Variants in LEKR1 observed in about 807,000 individuals in gnomAD.
LEKR1 encodes protein LEKR1.
In LEKR1, 59 loss-of-function variants were observed where a neutral mutation model predicts 72.4. That is an observed-to-expected ratio of 0.82 (90% CI 0.66 to 1.01). The LOEUF (loss-of-function observed/expected upper bound fraction) is 1.01. Ranked by LOEUF, LEKR1 falls within the 50% of genes least tolerant of loss-of-function variation. The pLI, the probability that LEKR1 is intolerant of heterozygous loss-of-function variation, is 0.00. For missense variants in LEKR1, 728 were observed against 759.2 expected (o/e 0.96, Z 0.48); for synonymous variants, 257 against 263.2 (o/e 0.98, Z 0.23).
At chr3:156,849,522 A>G (rs1715070218) in intron 2 of LEKR1, among the ~76,000 whole-genome samples, 3 of 152,242 alleles carry the variant, frequency 2.0e-5, no homozygotes, top group African/African-American at 7.2e-5. Context: ...ACAAGGCTAC[A>G]GTAACCAAAA....
rs1047311412 is a variant in LEKR1 at position 156,993,198 on chromosome 3, C to T, written c.1030C>T (p.Leu344Phe). ...QEEDIKRRIN[L>F]AENELEITKT... ...AGAAGACATAAAGAGAAGAATTAAC[C>T]TTGCAGAAAATGAACTGGAGATAAC... The change falls in exon 9 of 13, where the codon CTT (leucine) becomes TTT (phenylalanine). Residue 344 changes from leucine (L) to phenylalanine (F), a missense_variant. Coordinates refer to ENST00000356539, the MANE Select transcript of LEKR1 (RefSeq NM_001004316.3). The T allele has an allele frequency of 1.2e-6, 2 of 1,612,126 alleles. No individual in the cohort carries two copies. The highest frequency in any genetic ancestry group is 1.7e-5 in the Admixed American group (1 of 59,864).
intron 4 of LEKR1, among the ~76,000 whole-genome samples, chr3:156,925,706 T>C (rs1310279831): frequency 1.3e-5 from 2 of 151,998 alleles, no homozygotes; most frequent in Non-Finnish European, 2.9e-5. Context: ...TGGTTAAAAA[T>C]TCTCTTTCTA....
At chr3:156,982,632 G>A (rs1730297014) in intron 7 of LEKR1, among the ~76,000 whole-genome samples, 1 of 152,154 alleles carries the variant, frequency 6.6e-6, no homozygotes, top group African/African-American at 2.4e-5. Flanking sequence ...AGTAGCGTTT[G>A]CTAAAGAGGT....
At chr3:157,041,648 C>G (rs951004696) in intron 12 of LEKR1, among the ~76,000 whole-genome samples, 2 of 152,172 alleles carry the variant, frequency 1.3e-5, no homozygotes, top group African/African-American at 4.8e-5. Context: ...CCTTCTTCAC[C>G]TGGCTCATGC....
chr3:156,961,457 C>G (rs1206766004), intron 6 of LEKR1, among the ~76,000 whole-genome samples: 1 of 152,204 alleles, frequency 6.6e-6, no homozygotes, highest in Admixed American at 6.5e-5. Flanking sequence ...TTCCAACAAT[C>G]CTTAACCTAC....
At chr3:156,872,359 AATTTTGTT>A in intron 3 of LEKR1, among the ~76,000 whole-genome samples, 1 of 151,844 alleles carries the variant, frequency 6.6e-6, no homozygotes, top group East Asian at 1.9e-4. Flanking sequence ...GTGGTTTGTC[AATTTTGTT>A]TATCTTGTCA....
chr3:156,828,598 A>C (rs1423936448), intron 1 of LEKR1, among the ~76,000 whole-genome samples: 6 of 152,082 alleles, frequency 3.9e-5, no homozygotes, highest in African/African-American at 1.2e-4. Context: ...AAAAAAAAAA[A>C]CAAAAAACCC....
intron 1 of LEKR1, 115 bp from the exon 2 acceptor site, chr3:156,829,171 T>A (rs2108526799): frequency 1.8e-6 from 1 of 548,528 alleles, no homozygotes; most frequent in African/African-American, 1.9e-5. Flanking sequence ...AATAAGCATC[T>A]GTTGAAACAG....
chr3:156,918,181 G>T (rs1377127853), intron 3 of LEKR1, among the ~76,000 whole-genome samples: 2 of 152,158 alleles, frequency 1.3e-5, no homozygotes, highest in African/African-American at 4.8e-5. Context: ...AATAAAAAGT[G>T]CTGATTTAAC....
At chr3:157,019,132 A>G (rs921154612) in intron 10 of LEKR1, among the ~76,000 whole-genome samples, 2 of 152,162 alleles carry the variant, frequency 1.3e-5, no homozygotes, top group African/African-American at 4.8e-5. Flanking sequence ...AAAATTATAT[A>G]TGCATATCAA....
chr3:157,030,320 A>G (rs1219767817), intron 12 of LEKR1, among the ~76,000 whole-genome samples: 3 of 152,196 alleles, frequency 2.0e-5, no homozygotes, highest in African/African-American at 7.2e-5. Flanking sequence ...ACATTTCAAC[A>G]TGAGATTTGG....
At chr3:156,873,220 A>G (rs1718167436) in intron 3 of LEKR1, among the ~76,000 whole-genome samples, 1 of 151,904 alleles carries the variant, frequency 6.6e-6, no homozygotes, top group Non-Finnish European at 1.5e-5. Flanking sequence ...GTTTTATCTG[A>G]TATAAGTATA....
At chr3:156,964,444 C>T (rs1215375566) in intron 6 of LEKR1, among the ~76,000 whole-genome samples, 1 of 152,040 alleles carries the variant, frequency 6.6e-6, no homozygotes, top group African/African-American at 2.4e-5. Context: ...TTATATATCT[C>T]TGAGTATTGC....
In LEKR1 at chr3:156,900,026, C is replaced by T. The variant is rs1322909381; in HGVS notation, c.264-20549C>T. ...GGATTACAAAACATCTGAAATCCAG[C>T]TAGCAAATTTTTGAATTAGGTAGTA... On this transcript the variant is annotated intron_variant, in intron 3 of 12. Coordinates refer to ENST00000356539, the MANE Select transcript of LEKR1 (RefSeq NM_001004316.3). Among the ~76,000 whole-genome samples, 4 of 152,082 alleles carry T rather than the reference C, an allele frequency of 2.6e-5. No homozygotes were observed. In the East Asian group the frequency reaches 5.8e-4, roughly 22 times the overall value.
At chr3:157,019,798 A>G (rs1167676868) in intron 10 of LEKR1, among the ~76,000 whole-genome samples, 1 of 152,180 alleles carries the variant, frequency 6.6e-6, no homozygotes, top group Non-Finnish European at 1.5e-5. Context: ...TGTACCCCTT[A>G]AGCAAATCGT....
At chr3:156,874,618 G>A (rs962736475) in intron 3 of LEKR1, among the ~76,000 whole-genome samples, 6 of 151,978 alleles carry the variant, frequency 3.9e-5, no homozygotes, top group African/African-American at 4.8e-5. Flanking sequence ...TAATTTCTGA[G>A]ATTTTAGTGT....
In LEKR1 at chr3:156,826,704, T is replaced by C. The variant is rs187841546; in HGVS notation, c.-45+328T>C. The C allele has an allele frequency of 4.8e-4, 74 of 155,680 alleles. 1 individual carries two copies. In the East Asian group the frequency reaches 0.012, roughly 25 times the overall value. 9.6% of individuals were successfully genotyped at this position (155,680 alleles called of 1,614,324 possible). ...GGAACGGGGTTAGAAAGGGACAGAT[T>C]TGAAAGCCATTCCAGCAGTTTTGTC... On this transcript the variant is annotated intron_variant, in intron 1 of 12. Transcript: ENST00000356539.
chr3:156,905,989 G>A (rs1396056370), intron 3 of LEKR1, among the ~76,000 whole-genome samples: 2 of 152,036 alleles, frequency 1.3e-5, no homozygotes, highest in East Asian at 1.9e-4. Context: ...TTTCAGACCC[G>A]GAACTTCCAC....
At chr3:156,934,823 A>G (rs1044379554) in intron 5 of LEKR1, among the ~76,000 whole-genome samples, 1 of 152,144 alleles carries the variant, frequency 6.6e-6, no homozygotes, top group African/African-American at 2.4e-5. Flanking sequence ...ATATACATAC[A>G]TATACACTTA....
Sources: allele counts gnomAD v4.1 joint callset (sites outside exome capture counted in the v4.1 genomes callset), GRCh38; gene constraint gnomAD v4.1.1; transcripts MANE v1.5; gene names NCBI Gene and HGNC (gene_info 2026-07-23, HGNC 2026-07-21).